Variants in NALF1 observed in about 807,000 individuals in gnomAD.
NALF1 encodes the protein NALCN channel auxiliary factor 1.
A neutral mutation model predicts 48.4 loss-of-function variants in NALF1; 3 were observed. That is an observed-to-expected ratio of 0.06 (90% CI 0.03 to 0.16). The LOEUF (loss-of-function observed/expected upper bound fraction) is 0.16. NALF1 is among the 10% of genes least tolerant of loss of function. The pLI, the probability that NALF1 is intolerant of heterozygous loss-of-function variation, is 1.00. For missense variants in NALF1, 526 were observed against 571.5 expected (o/e 0.92, Z 0.81); for synonymous variants, 262 against 245.7 (o/e 1.07, Z -0.62).
At position 107,762,865 on chromosome 13, in the gene NALF1, G is replaced by C. The variant is rs559530764; in HGVS notation, c.915+102817C>G. ...TTTTTAATATATTAAAAAAGAAAGAGAGTCTTAAAAATTGTGTTAAGAAGT... is the reference window on the plus strand; with the variant it reads ...TTTTTAATATATTAAAAAAGAAAGACAGTCTTAAAAATTGTGTTAAGAAGT... On this transcript the variant is annotated intron_variant, in intron 1 of 2. Transcript: ENST00000375915. Among the ~76,000 whole-genome samples the C allele has an allele frequency of 2.0e-5, 3 of 152,198 alleles. No homozygotes were observed. In the South Asian group the frequency reaches 6.2e-4, roughly 32 times the overall value.
intron 1 of NALF1, among the ~76,000 whole-genome samples, chr13:107,854,433 T>G (rs975717867): frequency 6.6e-6 from 1 of 152,242 alleles, no homozygotes; most frequent in Non-Finnish European, 1.5e-5. Context: ...CAGTCTGCTG[T>G]TCACTACGGC....
intron 1 of NALF1, among the ~76,000 whole-genome samples, chr13:107,802,517 G>A (rs1263629194): frequency 6.6e-6 from 1 of 151,814 alleles, no homozygotes; most frequent in East Asian, 1.9e-4. Context: ...AAAAATTATT[G>A]TATGCTTATT....
intron 1 of NALF1, among the ~76,000 whole-genome samples, chr13:107,683,256 A>G (rs1383633605): frequency 6.6e-6 from 1 of 152,216 alleles, no homozygotes; most frequent in African/African-American, 2.4e-5. Context: ...TCAAATATAA[A>G]TACATAAATA....
rs1166759952 is a variant in NALF1, at chr13:107,633,313, CAAG to C, written c.915+232366_915+232368del. Among the ~76,000 whole-genome samples, 5 of 152,094 alleles carry C rather than the reference CAAG, an allele frequency of 3.3e-5. No individual in the cohort carries two copies. In the East Asian group the frequency reaches 9.7e-4, roughly 29 times the overall value. On this transcript the variant is annotated intron_variant, in intron 1 of 2. Transcript: ENST00000375915. ...TTTTTAAAAATTGTGTCAGAGTACTCAAGAACTCATAGATAATTGCTGACCCTG... is the reference window on the plus strand; with the variant it reads ...TTTTTAAAAATTGTGTCAGAGTACTCAACTCATAGATAATTGCTGACCCTG...
chr13:107,815,567 G>A (rs147041804), intron 1 of NALF1, among the ~76,000 whole-genome samples: 3 of 152,148 alleles, frequency 2.0e-5, no homozygotes, highest in African/African-American at 7.2e-5. Context: ...TAGTAGAAGT[G>A]TAAAATACAG....
In NALF1 at chr13:107,405,671, G is replaced by A. The variant is rs147642722; in HGVS notation, c.916-194916C>T. 1.3e-3 allele frequency among the ~76,000 whole-genome samples: 205 copies of A among 151,998 alleles called. 1 individual carries two copies. The highest frequency in any genetic ancestry group is 4.7e-3 in the African/African-American group (194 of 41,478). ...TTATAAATCAAATTCTTCCAAATAGGTCATACTGTGGCCACACTGATTAAA... is the reference window on the plus strand; with the variant it reads ...TTATAAATCAAATTCTTCCAAATAGATCATACTGTGGCCACACTGATTAAA... On this transcript the variant is annotated intron_variant, in intron 1 of 2. Coordinates refer to ENST00000375915, the MANE Select transcript of NALF1 (RefSeq NM_001080396.3).
In NALF1 at chr13:107,362,299, C is replaced by T. The variant is rs1216248337; in HGVS notation, c.916-151544G>A. Among the ~76,000 whole-genome samples the T allele has an allele frequency of 6.6e-6, 1 of 152,134 alleles. No homozygotes were observed. Among genetic ancestry groups the T allele is most frequent in the East Asian group, 1.9e-4 (1 of 5,180 alleles). On this transcript the variant is annotated intron_variant, in intron 1 of 2. Coordinates refer to ENST00000375915, the MANE Select transcript of NALF1 (RefSeq NM_001080396.3). The surrounding 1 kb of genome is among the most constrained non-coding windows in gnomAD (Gnocchi z 4.6). ...AGGGCGTGCTGTAACAAACTATGAT[C>T]AACTGAGTAGCTGAAAACAAGAGAA...
At chr13:107,254,062 A>AAAAAAAAAAAAAAATATAT in intron 1 of NALF1, among the ~76,000 whole-genome samples, 2 of 138,580 alleles carry the variant, frequency 1.4e-5, no homozygotes, top group African/African-American at 5.4e-5. Context: ...CAAGTACTAA[A>AAAAAAAAAAAAAAATATAT]ATATATATAT....
chr13:107,790,197 A>G (rs1481661150), intron 1 of NALF1, among the ~76,000 whole-genome samples: 3 of 152,218 alleles, frequency 2.0e-5, no homozygotes, highest in African/African-American at 7.2e-5. Context: ...ACCAAGCACT[A>G]CTCAAAGTCT....
At chr13:107,309,851 A>C (rs574179562) in intron 1 of NALF1, among the ~76,000 whole-genome samples, 14 of 152,266 alleles carry the variant, frequency 9.2e-5, no homozygotes, top group Non-Finnish European at 1.9e-4. Flanking sequence ...GGTAGTACTG[A>C]GTGTTTTCTT....
chr13:107,763,245 A>G (rs1294086972), intron 1 of NALF1, among the ~76,000 whole-genome samples: 1 of 151,848 alleles, frequency 6.6e-6, no homozygotes, highest in East Asian at 1.9e-4. Context: ...GTGCTCTTCA[A>G]CCTCCTCCTC....
intron 1 of NALF1, among the ~76,000 whole-genome samples, chr13:107,532,817 A>C (rs553057772): frequency 3.1e-3 from 180 of 58,420 alleles, no homozygotes; most frequent in African/African-American, 5.6e-3. Context: ...GAGATTATTC[A>C]GGAATATAAT....
chr13:107,638,201 A>ATATATATATATATATATATATATGTATG (rs372122331), intron 1 of NALF1, among the ~76,000 whole-genome samples: 3,416 of 110,408 alleles, frequency 0.031, 239 homozygotes, highest in East Asian at 0.062. Flanking sequence ...ATATATATAT[A>ATATATATATATATATATATATATGTATG]TATATAATTT....
intron 1 of NALF1, among the ~76,000 whole-genome samples, chr13:107,859,283 G>C (rs1472741414): frequency 1.3e-5 from 2 of 152,140 alleles, no homozygotes; most frequent in Non-Finnish European, 2.9e-5. Flanking sequence ...CCGAAGAAAT[G>C]ATTATTGCAT....
intron 1 of NALF1, among the ~76,000 whole-genome samples, chr13:107,524,111 G>T (rs1203225913): frequency 6.6e-6 from 1 of 151,986 alleles, no homozygotes; most frequent in Non-Finnish European, 1.5e-5. Flanking sequence ...GCTATTATGG[G>T]GTCAAAGGGC....
rs1466922856 is a variant in NALF1 at position 107,734,432 on chromosome 13, A to T, written c.915+131250T>A. 5.9e-5 allele frequency among the ~76,000 whole-genome samples: 9 copies of T among 151,830 alleles called. 1 individual carries two copies. The highest frequency in any genetic ancestry group is 1.2e-4 in the Non-Finnish European group (8 of 67,946). On this transcript the variant is annotated intron_variant, in intron 1 of 2. Transcript: ENST00000375915. ...AAAACACACACACACACACACACAC[A>T]ATGGAATTAAGGAAAGAACCCAGAG...
intron 1 of NALF1, among the ~76,000 whole-genome samples, chr13:107,695,903 T>TTA: frequency 6.6e-6 from 1 of 151,512 alleles, no homozygotes; most frequent in African/African-American, 2.4e-5. Context: ...ATATTCTTTT[T>TTA]TTTTTTTTCC....
At chr13:107,778,586 GT>G (rs770687307) in intron 1 of NALF1, among the ~76,000 whole-genome samples, 7 of 151,104 alleles carry the variant, frequency 4.6e-5, no homozygotes, top group African/African-American at 1.7e-4. Flanking sequence ...AACAGGAGTT[GT>G]TTTTTTTCTG....
chr13:107,814,750 C>T (rs1430865799), intron 1 of NALF1, among the ~76,000 whole-genome samples: 1 of 152,104 alleles, frequency 6.6e-6, no homozygotes, highest in East Asian at 1.9e-4. Context: ...TGGCAATACT[C>T]TATTTTTAAT....
Sources: allele counts gnomAD v4.1 joint callset (sites outside exome capture counted in the v4.1 genomes callset), GRCh38; gene constraint gnomAD v4.1.1; non-coding constraint Gnocchi (gnomAD v3.1); transcripts MANE v1.5; gene names NCBI Gene and HGNC (gene_info 2026-07-23, HGNC 2026-07-21).